The following DDX18 variants were observed in gnomAD, a reference collection of about 807,000 sequenced individuals.
DDX18 encodes DEAD-box helicase 18.
Under a neutral mutation model 73.5 loss-of-function variants are expected in DDX18, and 23 were observed. The ratio of observed to expected loss-of-function variants is 0.31; its 90% confidence interval spans 0.23 to 0.44. The LOEUF (loss-of-function observed/expected upper bound fraction) is 0.44, where lower values mean the gene tolerates loss of function less well. DDX18 is among the 20% of genes least tolerant of loss of function. The pLI is 1.00. For synonymous variants in DDX18, 268 were observed against 282.7 expected (o/e 0.95, Z 0.52); for missense variants, 753 against 792.9 (o/e 0.95, Z 0.60).
chr2:117,820,048 T>A (rs539101852), intron 3 of DDX18, among the ~76,000 whole-genome samples: 2 of 152,382 alleles, frequency 1.3e-5, no homozygotes, highest in East Asian at 3.9e-4. Context: ...TAGCAGCTTC[T>A]AGGATTCCTT....
At position 117,831,452 on chromosome 2, in the gene DDX18, T is replaced by A. The variant is rs954850250; in HGVS notation, c.*728T>A. On this transcript the variant is annotated 3_prime_UTR_variant, in exon 14 of 14. Transcript: ENST00000263239. The stretch of plus-strand genomic sequence containing the variant: ...ATGGAATTGAGATGTTTGAGCCTCA[T>A]TTACATCAATAGAGGTGTAATGTAC... 6.6e-6 allele frequency: 1 copy of A among 152,234 alleles called. No homozygotes were observed. Among genetic ancestry groups the A allele is most frequent in the Non-Finnish European group, 1.5e-5 (1 of 68,058 alleles). The allele number at this position is 152,234 out of a possible 1,614,324, so 9.4% of individuals were successfully genotyped here.
Position 117,824,961 on chromosome 2 carries a change from G to A in DDX18, c.1228G>A (p.Glu410Lys), listed in dbSNP as rs768907886. The change falls in exon 9 of 14, where the codon GAA becomes AAA. Residue 410 changes from glutamate (E) to lysine (K), a missense_variant. This residue lies in a region of DDX18 where 402 missense variants were observed against 419.4 expected (regional missense o/e 0.96). Transcript: ENST00000263239. The stretch of plus-strand genomic sequence containing the variant: ...CTAGGGATATGTTGTTTGTCCTTCT[G>A]AAAAGAGATTCCTTCTGCTCTTTAC... The part of the protein sequence containing the change: ...LEQGYVVCPS[E>K]KRFLLLFTFL... 1 of 1,611,082 alleles carries A rather than the reference G, an allele frequency of 6.2e-7. No individual in the cohort carries two copies. The highest frequency in any genetic ancestry group is 8.5e-7 in the Non-Finnish European group (1 of 1,179,244).
In DDX18 at chr2:117,830,575, C is replaced by T. The variant is rs765144138; in HGVS notation, c.1871-7C>T. On this transcript the variant is annotated splice_polypyrimidine_tract_variant and splice_region_variant and intron_variant, in intron 13 of 13. Coordinates refer to ENST00000263239, the MANE Select transcript of DDX18 (RefSeq NM_006773.4). ...TTTTGCTTGATTTCCTTAATGTTTG[C>T]CTCCAGACGTCAACAGTAATGAAGG... is the stretch of plus-strand genomic sequence containing the variant. 1.9e-6 allele frequency: 3 copies of T among 1,608,750 alleles called. No individual in the cohort carries two copies. The South Asian group carries it at 3.3e-5, about 18-fold the overall frequency.
rs1679847558 is a variant in DDX18, at chr2:117,821,571, A to C, written c.651-79A>C. On this transcript the variant is annotated intron_variant, in intron 4 of 13. Coordinates refer to ENST00000263239, the MANE Select transcript of DDX18 (RefSeq NM_006773.4). Reference sequence around the variant, plus strand: ...CGTTTCTTGTTCATGTTCTAGCCGTAGTGCCTAAGGTGTGTGTATGTAGTA... The same window carrying C: ...CGTTTCTTGTTCATGTTCTAGCCGTCGTGCCTAAGGTGTGTGTATGTAGTA... The C allele has an allele frequency of 3.4e-6, 5 of 1,470,484 alleles. No homozygotes were observed. The South Asian group carries it at 5.8e-5, about 17-fold the overall frequency. The allele number at this position is 1,470,484 out of a possible 1,614,324, so 91.1% of individuals were successfully genotyped here. A position where few individuals can be genotyped will look rare whatever the true frequency, so the allele number is the denominator to read the frequency against.
chr2:117,831,016 T>C lies in DDX18; in HGVS notation c.*292T>C, dbSNP rs1680015431. 1 of 319,130 alleles carries C rather than the reference T, an allele frequency of 3.1e-6. No individual in the cohort carries two copies. Among genetic ancestry groups the C allele is most frequent in the Non-Finnish European group, 5.7e-6 (1 of 176,232 alleles). 19.8% of individuals were successfully genotyped at this position (319,130 alleles called of 1,614,324 possible). ...AATATCCCTCCCTCATACAAGTGTA[T>C]GTTACCATTTTAATATAATTCTTTT... On this transcript the variant is annotated 3_prime_UTR_variant, in exon 14 of 14. Transcript: ENST00000263239.
In DDX18 at chr2:117,825,104, A is replaced by G. The variant is rs1323812632; in HGVS notation, c.1368+3A>G. 4 of 1,605,618 alleles carry G rather than the reference A, an allele frequency of 2.5e-6. No individual in the cohort carries two copies. Among genetic ancestry groups the G allele is most frequent in the Non-Finnish European group, 3.4e-6 (4 of 1,177,336 alleles). On this transcript the variant is annotated splice_donor_region_variant and intron_variant, in intron 9 of 13. Transcript: ENST00000263239. ...ATTTGCCCGTCTTGGCCATTCATGT[A>G]AGTGATGATGATGAGCTCATTGAAA...
intron 11 of DDX18, chr2:117,827,699 G>A (rs1679956829): frequency 6.6e-6 from 1 of 152,102 alleles, no homozygotes; most frequent in Non-Finnish European, 1.5e-5. Flanking sequence ...AGTATTCCAT[G>A]GTGTGTATGT....
At chr2:117,828,182 T>C (rs1284977858) in intron 11 of DDX18, 2 of 152,240 alleles carry the variant, frequency 1.3e-5, no homozygotes, top group African/African-American at 4.8e-5. Context: ...GTTTGATTTT[T>C]TCTTGTAAAT....
intron 10 of DDX18, chr2:117,825,878 G>A: frequency 2.4e-6 from 1 of 418,672 alleles, no homozygotes; most frequent in South Asian, 6.0e-5. Flanking sequence ...AAATAAAATT[G>A]CTTAAGGAAG....
At chr2:117,824,780 T>C in intron 8 of DDX18, 72 bp downstream of exon 8, 3 of 1,480,306 alleles carry the variant, frequency 2.0e-6, no homozygotes, top group Non-Finnish European at 1.8e-6. Flanking sequence ...GGAAGGATCA[T>C]TCAGAAAGCA....
rs764748990 is a variant in DDX18 at position 117,817,448 on chromosome 2, C to T, written c.90C>T (p.Ala30=). 1.2e-6 allele frequency: 2 copies of T among 1,600,396 alleles called. No homozygotes were observed. The highest frequency in any genetic ancestry group is 1.8e-5 in the Admixed American group (1 of 56,868). The change falls in exon 2 of 14, where the codon GCC becomes GCT. Residue 30 remains alanine (A), a synonymous_variant. Transcript: ENST00000263239. ...ATGTTCTGTTTATTTAAACAGGGGC[C>T]TCAAATCTGACCCTATCGGAAACTC... The part of the protein sequence containing the change: ...LRQRNLKFQG[A]SNLTLSETQN...
chr2:117,822,552 G>C (rs1679864758), intron 7 of DDX18: 1 of 311,396 alleles, frequency 3.2e-6, no homozygotes, highest in East Asian at 8.0e-5. Context: ...AGAAGCCGCA[G>C]ATTTTTTGCC....
intron 2 of DDX18, among the ~76,000 whole-genome samples, chr2:117,819,307 G>A (rs974443477): frequency 2.0e-5 from 3 of 152,136 alleles, no homozygotes; most frequent in Admixed American, 1.3e-4. Flanking sequence ...AGTGATTGGC[G>A]TGGGAAGAAA....
chr2:117,821,310 T>G lies in DDX18; in HGVS notation c.650+14T>G. On this transcript the variant is annotated intron_variant, in intron 4 of 13. Transcript: ENST00000263239. ...TCTGGAAGGCAGGTATGATTAACAT[T>G]GAAGCTTAGATATTGGCATCTATTT... 1 of 1,592,464 alleles carries G rather than the reference T, an allele frequency of 6.3e-7. No homozygotes were observed. Among genetic ancestry groups the G allele is most frequent in the Non-Finnish European group, 8.5e-7 (1 of 1,173,082 alleles).
rs774185791 is a variant in DDX18, at chr2:117,825,561, G to A, written c.1483G>A (p.Asp495Asn). 9.9e-6 allele frequency: 16 copies of A among 1,614,022 alleles called. No individual in the cohort carries two copies. The highest frequency in any genetic ancestry group is 6.7e-5 in the East Asian group (3 of 44,900). Residue 495 changes from aspartate (D) to asparagine (N), a missense_variant, in exon 10 of 14, where the codon GAC becomes AAC. Asp to Asn is a conservative substitution (Grantham distance 23). This residue lies in a region of DDX18 where 402 missense variants were observed against 419.4 expected (regional missense o/e 0.96). Coordinates refer to ENST00000263239, the MANE Select transcript of DDX18 (RefSeq NM_006773.4). ...GAGAGGACTAGACATTCCTGAAGTCGACTGGATTGTTCAGTATGACCCTCC... is the reference window on the plus strand; with the variant it reads ...GAGAGGACTAGACATTCCTGAAGTCAACTGGATTGTTCAGTATGACCCTCC... ...AARGLDIPEV[D>N]WIVQYDPPDD...
Position 117,825,110 on chromosome 2 carries a change from T to G in DDX18, c.1368+9T>G. On this transcript the variant is annotated intron_variant, in intron 9 of 13. Coordinates refer to ENST00000263239, the MANE Select transcript of DDX18 (RefSeq NM_006773.4). Reference sequence around the variant, plus strand: ...CCGTCTTGGCCATTCATGTAAGTGATGATGATGAGCTCATTGAAAACAGGG... The same window carrying G: ...CCGTCTTGGCCATTCATGTAAGTGAGGATGATGAGCTCATTGAAAACAGGG... 6.3e-7 allele frequency: 1 copy of G among 1,588,632 alleles called. No individual in the cohort carries two copies. Among genetic ancestry groups the G allele is most frequent in the African/African-American group, 1.4e-5 (1 of 73,148 alleles).
chr2:117,815,067 C>G (rs1403094544), intron 1 of DDX18: 3 of 592,880 alleles, frequency 5.1e-6, no homozygotes, highest in Admixed American at 5.9e-5. Context: ...CCTGACCTTT[C>G]TGAGCAATCA....
intron 11 of DDX18, chr2:117,826,676 C>G (rs1436571158): frequency 1.1e-5 from 4 of 369,406 alleles, no homozygotes; most frequent in Non-Finnish European, 1.5e-5. Context: ...TTGAAGCTCC[C>G]TCACACCTAG....
Position 117,830,863 on chromosome 2 carries a change from A to C in DDX18, c.*139A>C. Reference sequence around the variant, plus strand: ...AAATTGACTTGGGTTGCAAGCACTGAGCACTGTTACTTCTATCACGTCTCT... The same window carrying C: ...AAATTGACTTGGGTTGCAAGCACTGCGCACTGTTACTTCTATCACGTCTCT... On this transcript the variant is annotated 3_prime_UTR_variant, in exon 14 of 14. Transcript: ENST00000263239. 1 of 921,104 alleles carries C rather than the reference A, an allele frequency of 1.1e-6. No homozygotes were observed. The highest frequency in any genetic ancestry group is 1.6e-6 in the Non-Finnish European group (1 of 608,026). 57.1% of individuals were successfully genotyped at this position (921,104 alleles called of 1,614,324 possible). A position where few individuals can be genotyped will look rare whatever the true frequency, so the allele number is the denominator to read the frequency against.
Sources: allele counts gnomAD v4.1 joint callset (sites outside exome capture counted in the v4.1 genomes callset), GRCh38; gene constraint gnomAD v4.1.1; regional missense constraint gnomAD v4.1.1; transcripts MANE v1.5; gene names NCBI Gene and HGNC (gene_info 2026-07-23, HGNC 2026-07-21).